The following PRKAG1 variants were observed in gnomAD, a reference collection of about 807,000 sequenced individuals.
PRKAG1 encodes 5'-AMP-activated protein kinase subunit gamma-1.
A neutral mutation model predicts 48.2 loss-of-function variants in PRKAG1; 27 were observed. The ratio of observed to expected loss-of-function variants is 0.56; its 90% CI spans 0.41 to 0.77. The LOEUF (loss-of-function observed/expected upper bound fraction) is 0.77. Ranked by LOEUF, PRKAG1 falls within the 30% of genes least tolerant of loss-of-function variation. The pLI, the probability that PRKAG1 is intolerant of heterozygous loss-of-function variation, is 0.00. For missense variants in PRKAG1, 287 were observed against 398.3 expected (o/e 0.72, Z 2.38); for synonymous variants, 130 against 147.7 (o/e 0.88, Z 0.87).
rs1942125798 is a variant in PRKAG1 at position 49,018,759 on chromosome 12, T to A, written c.-19A>T. ...TCTCCATTGCAAGAGGCGCCCGGCT[T>A]GGTTTCCTCGCTTTAGGAAACTCTC... On this transcript the variant is annotated 5_prime_UTR_variant, in exon 1 of 12. Transcript: ENST00000548065. The A allele has an allele frequency of 3.1e-6, 5 of 1,612,446 alleles. No individual in the cohort carries two copies. The highest frequency in any genetic ancestry group is 4.1e-4 in the Middle Eastern group (2 of 4,838).
chr12:49,007,883 G>A (rs1417915269), intron 2 of PRKAG1, among the ~76,000 whole-genome samples: 1 of 149,162 alleles, frequency 6.7e-6, no homozygotes, highest in Non-Finnish European at 1.5e-5. Context: ...TTTTTGAGAG[G>A]GAGTCTTGCT....
intron 1 of PRKAG1, among the ~76,000 whole-genome samples, chr12:49,016,428 C>A (rs539066579): frequency 7.2e-5 from 11 of 152,326 alleles, no homozygotes; most frequent in African/African-American, 2.4e-4. Flanking sequence ...TGCTTGAATA[C>A]GAAACAAAAC....
Position 49,003,518 on chromosome 12 carries a change from C to A in PRKAG1, c.741+40G>T, listed in dbSNP as rs201939310. On this transcript the variant is annotated intron_variant, in intron 10 of 11. Coordinates refer to ENST00000548065, the MANE Select transcript of PRKAG1 (RefSeq NM_002733.5). ...TCCATATTTAACAGTGCCCCCCCCC[C>A]ACCACTTCCCTACCTCCCAGACCCT... The A allele has an allele frequency of 4.3e-4, 682 of 1,598,516 alleles. 1 individual carries two copies. Among genetic ancestry groups the A allele is most frequent in the Non-Finnish European group, 5.2e-4 (614 of 1,170,658 alleles).
At chr12:49,003,648 C>A in intron 9 of PRKAG1, 53 bp from the exon 10 acceptor site, 2 of 1,612,092 alleles carry the variant, frequency 1.2e-6, no homozygotes, top group Non-Finnish European at 1.7e-6. Context: ...AAAGCTCCCC[C>A]TACTCATAGA....
chr12:49,007,805 C>A (rs1349015449), intron 2 of PRKAG1, among the ~76,000 whole-genome samples: 1 of 151,716 alleles, frequency 6.6e-6, no homozygotes, highest in African/African-American at 2.4e-5. Context: ...ACTTCCCATT[C>A]TCCTCATTAT....
At position 49,013,086 on chromosome 12, in the gene PRKAG1, C is replaced by G. The variant is rs749199492; in HGVS notation, c.34G>C (p.Ala12Pro). The G allele has an allele frequency of 1.9e-6, 3 of 1,613,824 alleles. No homozygotes were observed. The highest frequency in any genetic ancestry group is 1.7e-5 in the Admixed American group (1 of 60,018). Residue 12 changes from alanine (A) to proline (P), a missense_variant, in exon 2 of 12, where the codon GCT becomes CCT. By Grantham distance (27) the Ala-to-Pro change is conservative. Coordinates refer to ENST00000548065, the MANE Select transcript of PRKAG1 (RefSeq NM_002733.5). ...ETVISSDSSP[A>P]VENEHPQETP... ...CCTTGAGGATGCTCATTTTCCACAG[C>G]TGGGGAGCTATCTGAAGAAATGACC...
chr12:49,015,630 T>G (rs1941937424), intron 1 of PRKAG1, among the ~76,000 whole-genome samples: 1 of 151,842 alleles, frequency 6.6e-6, no homozygotes, highest in East Asian at 1.9e-4. Flanking sequence ...TGGAGTGCAG[T>G]GATGCGATCT....
rs202008238 is a variant in PRKAG1 at position 49,003,512 on chromosome 12, C to A, written c.741+46G>T. 20 of 1,587,544 alleles carry A rather than the reference C, an allele frequency of 1.3e-5. No homozygotes were observed. The African/African-American group carries it at 1.9e-4, about 15-fold the overall frequency. ...TCCCTCTCCATATTTAACAGTGCCCCCCCCCCACCACTTCCCTACCTCCCA... is the reference window on the plus strand; with the variant it reads ...TCCCTCTCCATATTTAACAGTGCCCACCCCCCACCACTTCCCTACCTCCCA... On this transcript the variant is annotated intron_variant, in intron 10 of 11. Coordinates refer to ENST00000548065, the MANE Select transcript of PRKAG1 (RefSeq NM_002733.5).
At chr12:49,013,023 T>C (rs1485080038) in intron 2 of PRKAG1, 39 bp downstream of exon 2, 1 of 1,566,050 alleles carries the variant, frequency 6.4e-7, no homozygotes, top group Non-Finnish European at 8.8e-7. Context: ...GGTCAGGCTA[T>C]TGTTTTCATG....
chr12:49,017,281 G>A, intron 1 of PRKAG1: 1 of 448,216 alleles, frequency 2.2e-6, no homozygotes, highest in South Asian at 1.6e-5. Flanking sequence ...GCTCACTCCA[G>A]CCTCCACCTC....
chr12:49,018,683 G>A (rs749043443), intron 1 of PRKAG1, 49 bp downstream of exon 1: 11 of 1,613,298 alleles, frequency 6.8e-6, no homozygotes, highest in Middle Eastern at 1.7e-4. Context: ...GGGTTGGGGG[G>A]GTGTCTTAGG....
chr12:49,005,480 T>C lies in PRKAG1; in HGVS notation c.232A>G (p.Lys78Glu). The C allele has an allele frequency of 1.2e-6, 2 of 1,614,170 alleles. No homozygotes were observed. The highest frequency in any genetic ancestry group is 1.7e-6 in the Non-Finnish European group (2 of 1,180,028). Residue 78 changes from lysine (K) to glutamate (E), a missense_variant, in exon 4 of 12, where the codon AAG (lysine) becomes GAG (glutamate). Lys to Glu is a moderately conservative substitution (Grantham distance 56, BLOSUM62 1). Coordinates refer to ENST00000548065, the MANE Select transcript of PRKAG1 (RefSeq NM_002733.5). This position sits in a 1 kb window ranked among gnomAD's most constrained non-coding sequence, Gnocchi z 4.1. Reference sequence around the variant, plus strand: ...TGCTTACCCACAAAACTTTGCTTCTTACTATCCCATAAAGGGGCAGCTCGT... The same window carrying C: ...TGCTTACCCACAAAACTTTGCTTCTCACTATCCCATAAAGGGGCAGCTCGT... Reference protein sequence around the residue: ...GVRAAPLWDSKKQSFVGMLTI... With the variant: ...GVRAAPLWDSEKQSFVGMLTI...
At chr12:49,010,624 T>C (rs542752609) in intron 2 of PRKAG1, among the ~76,000 whole-genome samples, 2 of 152,330 alleles carry the variant, frequency 1.3e-5, no homozygotes, top group South Asian at 4.1e-4. Context: ...TGACTGTTTC[T>C]TAGACCTTCA....
intron 9 of PRKAG1, 49 bp from the exon 10 acceptor site, chr12:49,003,644 C>A (rs1941394204): frequency 3.7e-6 from 6 of 1,612,228 alleles, no homozygotes; most frequent in Non-Finnish European, 5.1e-6. Context: ...ATCTAAAGCT[C>A]CCCCTACTCA....
chr12:49,013,243 CTTTTT>C (rs111248062), intron 1 of PRKAG1, 133 bp from the exon 2 acceptor site: 1 of 601,264 alleles, frequency 1.7e-6, no homozygotes, highest in Non-Finnish European at 2.8e-6. Flanking sequence ...CCGCCAAACC[CTTTTT>C]TTTTTGTTTT....
intron 2 of PRKAG1, among the ~76,000 whole-genome samples, chr12:49,007,962 C>A (rs369305493): frequency 2.0e-5 from 3 of 151,304 alleles, no homozygotes; most frequent in African/African-American, 4.9e-5. Context: ...CAGGTTCAAG[C>A]GATTCTCCTG....
Position 49,002,827 on chromosome 12 carries a change from G to T in PRKAG1, c.*72C>A. 1 of 1,396,686 alleles carries T rather than the reference G, an allele frequency of 7.2e-7. No homozygotes were observed. Among genetic ancestry groups the T allele is most frequent in the Non-Finnish European group, 1.0e-6 (1 of 996,992 alleles). The allele number at this position is 1,396,686 out of a possible 1,614,324, so 86.5% of individuals were successfully genotyped here. On this transcript the variant is annotated 3_prime_UTR_variant, in exon 12 of 12. Transcript: ENST00000548065. ...GTCACAATTCCCTCAAGTTTCATCT[G>T]ATTCCCACAGAGCTTCCAGCAGGCA...
At chr12:49,018,349 C>T (rs1942087095) in intron 1 of PRKAG1, 3 of 738,654 alleles carry the variant, frequency 4.1e-6, no homozygotes, top group Non-Finnish European at 5.3e-6. Flanking sequence ...AGCGGAGATC[C>T]CTCTGGACGC....
chr12:49,016,367 C>A (rs1483166002), intron 1 of PRKAG1, among the ~76,000 whole-genome samples: 2 of 152,256 alleles, frequency 1.3e-5, no homozygotes, highest in Non-Finnish European at 2.9e-5. Flanking sequence ...TTCTGATCTA[C>A]ATTTCCAATT....
Sources: allele counts gnomAD v4.1 joint callset (sites outside exome capture counted in the v4.1 genomes callset), GRCh38; gene constraint gnomAD v4.1.1; non-coding constraint Gnocchi (gnomAD v3.1); transcripts MANE v1.5; gene names NCBI Gene and HGNC (gene_info 2026-07-23, HGNC 2026-07-21).